NXPE2: variants seen among roughly 807,000 people sequenced by gnomAD.
NXPE2 encodes NXPE family member 2.
In NXPE2, 34 loss-of-function variants were observed where a neutral mutation model predicts 34.4. The observed-to-expected ratio is 0.99, with a 90% CI of 0.75 to 1.31. NXPE2 has a LOEUF of 1.31. NXPE2 is among the 40% of genes most tolerant of loss of function. The pLI, the probability that NXPE2 is intolerant of heterozygous loss-of-function variation, is 0.00. For missense variants in NXPE2, 649 were observed against 672.5 expected (o/e 0.97, Z 0.39); for synonymous variants, 235 against 231.3 (o/e 1.02, Z -0.15).
At chr11:114,616,379 G>A in the NXPE2 span, among the ~76,000 whole-genome samples, 3 of 151,392 alleles carry the variant, frequency 2.0e-5, no homozygotes, top group South Asian at 6.2e-4. Flanking sequence ...GTTACCCAGT[G>A]GAAAATAATT....
At chr11:114,582,192 C>T in the NXPE2 span, 1 of 1,359,060 alleles carries the variant, frequency 7.4e-7, no homozygotes, top group African/African-American at 1.5e-5. Context: ...CTAAAGACAC[C>T]CAAAATTAAT....
the NXPE2 span, among the ~76,000 whole-genome samples, chr11:114,642,633 T>C: frequency 6.6e-6 from 1 of 152,128 alleles, no homozygotes; most frequent in Non-Finnish European, 1.5e-5. Flanking sequence ...ATGGTGTACA[T>C]GTGCCACATC....
At chr11:114,777,294 G>A in the NXPE2 span, among the ~76,000 whole-genome samples, 1 of 152,216 alleles carries the variant, frequency 6.6e-6, no homozygotes, top group Non-Finnish European at 1.5e-5. Context: ...CTACAGGAAT[G>A]TGAGTTCACT....
the NXPE2 span, among the ~76,000 whole-genome samples, chr11:114,541,017 CCT>C: frequency 2.6e-5 from 4 of 151,688 alleles, no homozygotes; most frequent in Non-Finnish European, 5.9e-5. Context: ...CTAGCTGACC[CCT>C]GAGGCACACC....
chr11:114,584,931 A>T, the NXPE2 span, among the ~76,000 whole-genome samples: 1 of 152,138 alleles, frequency 6.6e-6, no homozygotes, highest in Non-Finnish European at 1.5e-5. Flanking sequence ...GAAGCATAAA[A>T]GGCGCCAGGT....
At chr11:114,554,141 G>A in the NXPE2 span, 153,370 of 984,930 alleles carry the variant, frequency 0.16, 15,269 homozygotes, top group African/African-American at 0.45. Context: ...CCTCAGACAG[G>A]ATTGAATCAA....
At chr11:114,590,138 C>A in the NXPE2 span, among the ~76,000 whole-genome samples, 1 of 152,230 alleles carries the variant, frequency 6.6e-6, no homozygotes, top group East Asian at 1.9e-4. Flanking sequence ...TGTCAAAGGA[C>A]CTCTCTGAGT....
the NXPE2 span, among the ~76,000 whole-genome samples, chr11:114,491,251 C>T: frequency 7.9e-5 from 12 of 150,988 alleles, no homozygotes; most frequent in Non-Finnish European, 1.3e-4. Context: ...AGAAAATTTT[C>T]GCAACCTACT....
At chr11:114,666,442 T>C in the NXPE2 span, among the ~76,000 whole-genome samples, 1 of 152,140 alleles carries the variant, frequency 6.6e-6, no homozygotes, top group African/African-American at 2.4e-5. Context: ...ATTATTACTA[T>C]CAAAGTATAA....
the NXPE2 span, among the ~76,000 whole-genome samples, chr11:114,552,317 A>C: frequency 6.6e-6 from 1 of 152,122 alleles, no homozygotes. Context: ...AAGAGAAGAC[A>C]AGGGGCAGCT....
the NXPE2 span, among the ~76,000 whole-genome samples, chr11:114,719,289 GT>G: frequency 2.6e-5 from 4 of 152,122 alleles, no homozygotes; most frequent in African/African-American, 9.7e-5. Flanking sequence ...GAAATAATAT[GT>G]TTAAAGAACA....
Position 114,706,496 on chromosome 11 carries a change from C to A in NXPE2, c.1246C>A (p.Pro416Thr). The change falls in exon 6 of 6, where the codon CCA (proline) becomes ACA (threonine). Residue 416 changes from proline (P) to threonine (T), a missense_variant. Transcript: ENST00000389586. The stretch of plus-strand genomic sequence containing the variant: ...GATTCAGTGGAAAAAACATGGTCAT[C>A]CATTTGTTACCAAAAAATTATTCTC... ...ILIQWKKHGHPFVTKKLFSVK... is the reference protein window; with the variant it reads ...ILIQWKKHGHTFVTKKLFSVK... The A allele has an allele frequency of 1.3e-6, 2 of 1,551,738 alleles. No individual in the cohort carries two copies. Among genetic ancestry groups the A allele is most frequent in the Non-Finnish European group, 1.7e-6 (2 of 1,146,932 alleles).
At chr11:114,609,079 C>T in the NXPE2 span, among the ~76,000 whole-genome samples, 722 of 150,722 alleles carry the variant, frequency 4.8e-3, 9 homozygotes, top group African/African-American at 0.016. Context: ...CACTGTTATC[C>T]GGTGGATAAT....
At chr11:114,770,702 G>T in the NXPE2 span, among the ~76,000 whole-genome samples, 1 of 152,136 alleles carries the variant, frequency 6.6e-6, no homozygotes, top group African/African-American at 2.4e-5. Flanking sequence ...TCAAAGCAGT[G>T]CTCCAACCAG....
In NXPE2 at chr11:114,706,798, T is replaced by A; in HGVS notation, c.1548T>A (p.Asp516Glu). Reference protein sequence around the residue: ...HGYIQNLIIRDIFVDLNVGII... With the variant: ...HGYIQNLIIREIFVDLNVGII... ...ATATTCAGAATCTTATCATAAGAGA[T>A]ATTTTTGTGGATCTTAATGTGGGTA... Residue 516 changes from aspartate to glutamate, a missense_variant, in exon 6 of 6, where the codon GAT becomes GAA. Transcript: ENST00000389586. 1 of 1,552,394 alleles carries A rather than the reference T, an allele frequency of 6.4e-7. No homozygotes were observed. Among genetic ancestry groups the A allele is most frequent in the Non-Finnish European group, 8.7e-7 (1 of 1,147,078 alleles).
the NXPE2 span, among the ~76,000 whole-genome samples, chr11:114,563,069 C>A: frequency 1.3e-5 from 2 of 151,872 alleles, no homozygotes; most frequent in African/African-American, 2.4e-5. Context: ...CCAGTAGGCA[C>A]CAAAAATAGG....
the NXPE2 span, among the ~76,000 whole-genome samples, chr11:114,591,334 C>A: frequency 6.6e-6 from 1 of 152,160 alleles, no homozygotes; most frequent in Non-Finnish European, 1.5e-5. Context: ...AAGACACTTT[C>A]TTACTACTAA....
chr11:114,571,650 G>A, the NXPE2 span, among the ~76,000 whole-genome samples: 6 of 152,348 alleles, frequency 3.9e-5, no homozygotes, highest in South Asian at 2.1e-4. Flanking sequence ...AAAGTGTTAC[G>A]TAGCATCTTG....
chr11:114,530,391 T>TAACAAATA, the NXPE2 span: 3 of 1,614,208 alleles, frequency 1.9e-6, no homozygotes, highest in Non-Finnish European at 2.5e-6. Context: ...AAATTTGCCT[T>TAACAAATA]TGAAAATAAT....
Sources: gnomAD v4.1 joint callset for allele counts (sites outside exome capture counted in the v4.1 genomes callset) on GRCh38, gnomAD v4.1.1 for gene constraint, MANE v1.5 for transcripts, NCBI Gene and HGNC (gene_info 2026-07-23, HGNC 2026-07-21) for gene names.